The following COL2A1 variants were observed in gnomAD, a reference collection of about 807,000 sequenced individuals.
The protein encoded by COL2A1 is collagen alpha-1(II) chain.
A neutral mutation model predicts 204.5 loss-of-function variants in COL2A1; 28 were observed. That is an observed-to-expected ratio of 0.14 (90% CI 0.10 to 0.19). The LOEUF (loss-of-function observed/expected upper bound fraction) is 0.19. Among genes scored for constraint, COL2A1 ranks in the 10% least tolerant of loss-of-function variants. The pLI, the probability that COL2A1 is intolerant of heterozygous loss-of-function variation, is 1.00. For synonymous variants in COL2A1, 708 were observed against 718.7 expected, an observed-to-expected ratio of 0.99 and a Z score of 0.24; for missense variants, 1,388 against 2,027.5, an observed-to-expected ratio of 0.68 and a Z score of 6.06.
At chr12:47,985,705 G>A (rs1939357304) in intron 25 of COL2A1, 23 bp downstream of exon 25, 2 of 1,612,820 alleles carry the variant, frequency 1.2e-6, no homozygotes, top group South Asian at 2.2e-5. Flanking sequence ...GAAGCCAAGG[G>A]CAACAGCAGC....
intron 16 of COL2A1, among the ~76,000 whole-genome samples, chr12:47,990,441 G>A (rs778218566): frequency 2.0e-5 from 3 of 152,226 alleles, no homozygotes; most frequent in Admixed American, 6.5e-5. Context: ...ATGAAACAGC[G>A]AGGCAACCAT....
chr12:47,998,710 G>T (rs964821098), intron 2 of COL2A1: 3 of 442,726 alleles, frequency 6.8e-6, no homozygotes, highest in Non-Finnish European at 1.2e-5. Flanking sequence ...GCACAAAAAG[G>T]CAATGAAGAG....
Position 47,986,396 on chromosome 12 carries a change from G to T in COL2A1, c.1467C>A (p.Gly489=). ...CAGGCTCTCCACGGGCACCTCTCTT[G>T]CCTTCTTCACCAGCGGGTCCAGGGG... The part of the protein sequence containing the change: ...QGAPGPAGEE[G]KRGARGEPGG... The change falls in exon 23 of 54, where the codon GGC becomes GGA. Residue 489 remains glycine (G), a synonymous_variant. Coordinates refer to ENST00000380518, the MANE Select transcript of COL2A1 (RefSeq NM_001844.5). The T allele has an allele frequency of 6.4e-7, 1 of 1,568,394 alleles. No homozygotes were observed.
intron 52 of COL2A1, 27 bp downstream of exon 52, chr12:47,974,648 C>G: frequency 6.2e-7 from 1 of 1,612,074 alleles, no homozygotes; most frequent in Non-Finnish European, 8.5e-7. Context: ...CATCTCTGCT[C>G]ATCATCTAGG....
At chr12:47,999,607 T>C (rs1185489646) in intron 2 of COL2A1, 2 of 346,858 alleles carry the variant, frequency 5.8e-6, no homozygotes, top group African/African-American at 4.3e-5. Context: ...GTGGCTCTAG[T>C]AATTTGCAGA....
Position 47,982,522 on chromosome 12 carries a change from C to A in COL2A1, c.2281G>T (p.Ala761Ser), listed in dbSNP as rs751436440. Residue 761 changes from alanine to serine, a missense_variant, in exon 34 of 54, where the codon GCT becomes TCT. Coordinates refer to ENST00000380518, the MANE Select transcript of COL2A1 (RefSeq NM_001844.5). Reference sequence around the variant, plus strand: ...CTTACCCTGTCGCCTTTGGGCCCAGCGATACCAGCTGCTCCCCTCTCGCCA... The same window carrying A: ...CTTACCCTGTCGCCTTTGGGCCCAGAGATACCAGCTGCTCCCCTCTCGCCA... Reference protein sequence around the residue: ...MPGERGAAGIAGPKGDRGDVG... With the variant: ...MPGERGAAGISGPKGDRGDVG... 6.2e-7 allele frequency: 1 copy of A among 1,613,654 alleles called. No homozygotes were observed. The highest frequency in any genetic ancestry group is 8.5e-7 in the Non-Finnish European group (1 of 1,179,812).
upstream of COL2A1, among the ~76,000 whole-genome samples, chr12:48,005,110 C>T (rs185775226): frequency 2.3e-3 from 354 of 152,318 alleles, 3 homozygotes; most frequent in Non-Finnish European, 9.8e-4. Context: ...CAGCGACTGC[C>T]CTCCACCCCT....
At chr12:47,993,308 A>C (rs1939792104) in intron 15 of COL2A1, 150 bp downstream of exon 15, 3 of 724,048 alleles carry the variant, frequency 4.1e-6, no homozygotes, top group African/African-American at 1.7e-5. Flanking sequence ...ATCTTGAACA[A>C]ATCATCTGTC....
At chr12:47,974,583 A>G (rs1354877552) in intron 52 of COL2A1, 92 bp downstream of exon 52, 4 of 1,436,094 alleles carry the variant, frequency 2.8e-6, no homozygotes, top group Admixed American at 1.7e-5. Context: ...GGAGGAAAAT[A>G]TGGGGAAGGT....
chr12:47,999,680 T>C lies in COL2A1; in HGVS notation c.292+239A>G, dbSNP rs1940140536. On this transcript the variant is annotated intron_variant, in intron 2 of 53. Coordinates refer to ENST00000380518, the MANE Select transcript of COL2A1 (RefSeq NM_001844.5). ...TAGAATCACATCTGTCCTTCATGTG[T>C]CTTGGAAGCAAATGTTTTTGGAGAT... 3 of 392,924 alleles carry C rather than the reference T, an allele frequency of 7.6e-6. No homozygotes were observed. In the Admixed American group the frequency reaches 1.2e-4, roughly 16 times the overall value. The allele number at this position is 392,924 out of a possible 1,614,324, so 24.3% of individuals were successfully genotyped here.
rs1380871170 is a variant in COL2A1, at chr12:47,973,376, A to C, written c.*31T>G. 6.2e-7 allele frequency: 1 copy of C among 1,614,144 alleles called. No homozygotes were observed. The highest frequency in any genetic ancestry group is 1.6e-4 in the Middle Eastern group (1 of 6,062). ...AAGTACTTGGGTCCTTTGGGTTTGC[A>C]ACGGATTGTGTTGTTTCTGGGTTCA... On this transcript the variant is annotated 3_prime_UTR_variant, in exon 54 of 54. Coordinates refer to ENST00000380518, the MANE Select transcript of COL2A1 (RefSeq NM_001844.5).
chr12:47,992,240 T>C (rs1250937452), intron 16 of COL2A1, among the ~76,000 whole-genome samples: 1 of 152,130 alleles, frequency 6.6e-6, no homozygotes, highest in Non-Finnish European at 1.5e-5. Flanking sequence ...TTTCCCACAT[T>C]AACTAGAGGC....
chr12:47,995,235 G>A lies in COL2A1; in HGVS notation c.762+20C>T. On this transcript the variant is annotated intron_variant, in intron 11 of 53. Transcript: ENST00000380518. The stretch of plus-strand genomic sequence containing the variant: ...TTTCAAAGGAGGCAGCTCCTCATTT[G>A]TCTACTCGTGTATACTCACATCATC... 6.2e-7 allele frequency: 1 copy of A among 1,607,876 alleles called. No homozygotes were observed. Among genetic ancestry groups the A allele is most frequent in the Non-Finnish European group, 8.5e-7 (1 of 1,174,262 alleles).
rs1938780128 is a variant in COL2A1, at chr12:47,977,380, C to T, written c.3213G>A (p.Gly1071=). 3 of 1,613,408 alleles carry T rather than the reference C, an allele frequency of 1.9e-6. No individual in the cohort carries two copies. The highest frequency in any genetic ancestry group is 2.5e-6 in the Non-Finnish European group (3 of 1,179,606). ...CAGCGGGGCCAGGGGAGCCAGGGGG[C>T]CCAGGGGCTCCAGGAGCTCCCACAG... ...TGAVGAPGAP[G]PPGSPGPAGP... Residue 1071 remains glycine (G), a synonymous_variant, in exon 46 of 54, where the codon GGG becomes GGA. Coordinates refer to ENST00000380518, the MANE Select transcript of COL2A1 (RefSeq NM_001844.5).
At position 47,980,635 on chromosome 12, in the gene COL2A1, C is replaced by G; in HGVS notation, c.2544G>C (p.Lys848Asn). ...PPGADGQPGA[K>N]GEQGEAGQKG... ...TCTGGCCGGCCTCTCCTTGCTCACC[C>G]TTGGCCCCAGGCTGGCCATCAGCAC... Residue 848 changes from lysine (K) to asparagine (N), a missense_variant, in exon 39 of 54, where the codon AAG becomes AAC. By Grantham distance (94) the Lys-to-Asn change is moderately conservative (BLOSUM62 0). Coordinates refer to ENST00000380518, the MANE Select transcript of COL2A1 (RefSeq NM_001844.5). The surrounding 1 kb of genome is among the most constrained non-coding windows in gnomAD (Gnocchi z 4.5). 6.2e-7 allele frequency: 1 copy of G among 1,612,288 alleles called. No homozygotes were observed. Among genetic ancestry groups the G allele is most frequent in the South Asian group, 1.1e-5 (1 of 90,508 alleles).
chr12:47,976,761 C>T lies in COL2A1; in HGVS notation c.3435+51G>A. ...TGGCAGCACAGGGAGCTCAAGTGGG[C>T]TCTGTGTGGCAGGAGGCCTCGGGAA... On this transcript the variant is annotated intron_variant, in intron 48 of 53. Coordinates refer to ENST00000380518, the MANE Select transcript of COL2A1 (RefSeq NM_001844.5). The surrounding 1 kb of genome is among the most constrained non-coding windows in gnomAD (Gnocchi z 4.3). 1 of 1,540,882 alleles carries T rather than the reference C, an allele frequency of 6.5e-7. No homozygotes were observed. The highest frequency in any genetic ancestry group is 8.9e-7 in the Non-Finnish European group (1 of 1,121,996).
chr12:47,981,311 G>A (rs1364520432), intron 37 of COL2A1, 32 bp downstream of exon 37: 3 of 1,607,942 alleles, frequency 1.9e-6, no homozygotes. Context: ...GGGGCCTCGG[G>A]CAGAGCCAGG....
At chr12:47,983,588 G>A (rs1939213922) in intron 30 of COL2A1, 95 bp downstream of exon 30, 6 of 1,464,470 alleles carry the variant, frequency 4.1e-6, no homozygotes, top group Non-Finnish European at 5.6e-6. Flanking sequence ...CACCCTGCAA[G>A]AGGTGTGGGC....
At chr12:48,000,257 T>C in intron 1 of COL2A1, 132 bp from the exon 2 acceptor site, 1 of 693,746 alleles carries the variant, frequency 1.4e-6, no homozygotes, top group East Asian at 2.7e-5. Flanking sequence ...TGGGGCCACC[T>C]GGACATATAG....
Sources: gnomAD v4.1 joint callset for allele counts (sites outside exome capture counted in the v4.1 genomes callset) on GRCh38, gnomAD v4.1.1 for gene constraint, Gnocchi (gnomAD v3.1) non-coding constraint, MANE v1.5 for transcripts, NCBI Gene and HGNC (gene_info 2026-07-23, HGNC 2026-07-21) for gene names.